The following MPP7 variants were observed in gnomAD, a reference collection of about 807,000 sequenced individuals.
The protein encoded by MPP7 is MAGUK p55 scaffold protein 7, also known as MAGUK p55 subfamily member 7.
A neutral mutation model predicts 76.5 loss-of-function variants in MPP7; 60 were observed. The observed-to-expected ratio is 0.78, with a 90% CI of 0.64 to 0.97. The LOEUF (loss-of-function observed/expected upper bound fraction) is 0.97, where lower values mean the gene tolerates loss of function less well. Ranked by LOEUF, MPP7 falls within the 50% of genes least tolerant of loss-of-function variation. The pLI is 0.00. For missense variants in MPP7, 641 were observed against 694.0 expected, an observed-to-expected ratio of 0.92 and a Z score of 0.86; for synonymous variants, 237 against 244.5, an observed-to-expected ratio of 0.97 and a Z score of 0.29.
chr10:28,177,968 T>C (rs1836932097), intron 3 of MPP7, among the ~76,000 whole-genome samples: 1 of 152,118 alleles, frequency 6.6e-6, no homozygotes, highest in Non-Finnish European at 1.5e-5. Context: ...GTCTCTCTGA[T>C]GAAAAAACTG....
At chr10:28,154,763 C>A (rs1286459665) in intron 3 of MPP7, among the ~76,000 whole-genome samples, 1 of 149,796 alleles carries the variant, frequency 6.7e-6, no homozygotes, top group Non-Finnish European at 1.5e-5. Context: ...GGTGGGGAAA[C>A]TTGAATTCTC....
At chr10:28,061,919 T>C (rs1851802549) in intron 13 of MPP7, among the ~76,000 whole-genome samples, 1 of 151,954 alleles carries the variant, frequency 6.6e-6, no homozygotes, top group Non-Finnish European at 1.5e-5. Context: ...TTAATCAAAA[T>C]GTGTTTCAAG....
intron 1 of MPP7, among the ~76,000 whole-genome samples, chr10:28,296,875 A>G (rs1160684295): frequency 6.6e-6 from 1 of 152,228 alleles, no homozygotes; most frequent in Non-Finnish European, 1.5e-5. Flanking sequence ...CAGTTCTTTT[A>G]AAGACTCAGT....
intron 2 of MPP7, chr10:28,203,032 C>T (rs922358054): frequency 1.3e-5 from 2 of 152,252 alleles, no homozygotes; most frequent in African/African-American, 2.4e-5. Flanking sequence ...CGTCACACTC[C>T]TGTCCAAGAA....
intron 5 of MPP7, among the ~76,000 whole-genome samples, chr10:28,134,672 A>C (rs1835299822): frequency 1.3e-5 from 2 of 152,196 alleles, no homozygotes; most frequent in African/African-American, 2.4e-5. Flanking sequence ...CTAAACGTTC[A>C]CGAAGCCTGA....
chr10:28,201,431 T>C (rs1366003018), intron 3 of MPP7, among the ~76,000 whole-genome samples: 1 of 152,186 alleles, frequency 6.6e-6, no homozygotes, highest in African/African-American at 2.4e-5. Context: ...AGACTCTAAA[T>C]TTCTTTCAGC....
At chr10:28,118,756 T>G in intron 11 of MPP7, 1 of 985,446 alleles carries the variant, frequency 1.0e-6, no homozygotes, top group Non-Finnish European at 1.2e-6. Context: ...TATACTCGAC[T>G]ACAGTTTGGC....
At chr10:28,147,637 A>G in intron 4 of MPP7, 74 bp from the exon 5 acceptor site, 3 of 1,283,954 alleles carry the variant, frequency 2.3e-6, no homozygotes, top group Non-Finnish European at 3.4e-6. Context: ...GACAACTGAG[A>G]ATCTAACTTG....
At chr10:28,292,451 G>GAA (rs59001457) in intron 1 of MPP7, among the ~76,000 whole-genome samples, 2 of 142,638 alleles carry the variant, frequency 1.4e-5, no homozygotes, top group Admixed American at 7.0e-5. Flanking sequence ...GATCATTACG[G>GAA]AAAAAAAAAA....
intron 2 of MPP7, among the ~76,000 whole-genome samples, chr10:28,234,350 A>G (rs1366492209): frequency 6.6e-6 from 1 of 152,188 alleles, no homozygotes; most frequent in Non-Finnish European, 1.5e-5. Flanking sequence ...GATCTGAATG[A>G]CTGAATAAAT....
chr10:28,065,720 C>CT (rs1019655605), intron 13 of MPP7, among the ~76,000 whole-genome samples: 2 of 152,088 alleles, frequency 1.3e-5, no homozygotes, highest in African/African-American at 2.4e-5. Flanking sequence ...GTTATAATGC[C>CT]TTTTTTTTAT....
In MPP7 at chr10:28,228,133, G is replaced by T. The variant is rs1838759122; in HGVS notation, c.37+10435C>A. ...GTGGGGGAACTGTTGGAGGAAAAAA[G>T]CAACAAGTTCAAGACCTTGCTTTTC... On this transcript the variant is annotated intron_variant, in intron 2 of 16. Coordinates refer to ENST00000683449, the MANE Select transcript of MPP7 (RefSeq NM_001318170.2). Among the ~76,000 whole-genome samples, 5 of 152,066 alleles carry T rather than the reference G, an allele frequency of 3.3e-5. No individual in the cohort carries two copies. In the South Asian group the frequency reaches 1.0e-3, roughly 32 times the overall value.
At chr10:28,132,690 C>T (rs1835232131) in intron 5 of MPP7, among the ~76,000 whole-genome samples, 1 of 152,174 alleles carries the variant, frequency 6.6e-6, no homozygotes, top group Non-Finnish European at 1.5e-5. Flanking sequence ...ACCTCCACCT[C>T]CCAGGTTCAA....
At chr10:28,332,014 A>G (rs966069412) in intron 1 of MPP7, among the ~76,000 whole-genome samples, 1 of 152,218 alleles carries the variant, frequency 6.6e-6, no homozygotes, top group African/African-American at 2.4e-5. Flanking sequence ...ATAAGAGAAT[A>G]TAAAGCTACT....
intron 3 of MPP7, among the ~76,000 whole-genome samples, chr10:28,160,629 A>G (rs1302350184): frequency 6.6e-6 from 1 of 152,210 alleles, no homozygotes; most frequent in East Asian, 1.9e-4. Context: ...ACTACCTACT[A>G]TCTCTGAATA....
intron 1 of MPP7, among the ~76,000 whole-genome samples, chr10:28,299,449 C>T (rs2133151122): frequency 6.6e-6 from 1 of 152,244 alleles, no homozygotes; most frequent in East Asian, 1.9e-4. Context: ...TATATAGGTG[C>T]AGTTCATGGA....
At chr10:28,120,808 T>C in intron 8 of MPP7, 140 bp from the exon 9 acceptor site, 1 of 567,076 alleles carries the variant, frequency 1.8e-6, no homozygotes, top group East Asian at 3.0e-5. Context: ...GAGGAAACTA[T>C]TTTTGTAGAA....
At chr10:28,278,883 T>G (rs774264019) in intron 1 of MPP7, among the ~76,000 whole-genome samples, 5 of 151,298 alleles carry the variant, frequency 3.3e-5, no homozygotes, top group Non-Finnish European at 5.9e-5. Context: ...TATTGCGTTC[T>G]CTTTGCCATT....
At chr10:28,216,077 C>A (rs568016281) in intron 2 of MPP7, among the ~76,000 whole-genome samples, 2 of 152,156 alleles carry the variant, frequency 1.3e-5, no homozygotes, top group South Asian at 4.2e-4. Flanking sequence ...GCACCCTCCC[C>A]CAATTGACCT....
Sources: gnomAD v4.1 joint callset for allele counts (sites outside exome capture counted in the v4.1 genomes callset) on GRCh38, gnomAD v4.1.1 for gene constraint, MANE v1.5 for transcripts, NCBI Gene and HGNC (gene_info 2026-07-23, HGNC 2026-07-21) for gene names.